PTPRD: variants seen among roughly 807,000 people sequenced by gnomAD.
PTPRD encodes protein tyrosine phosphatase receptor type D, also known as receptor-type tyrosine-protein phosphatase delta.
A neutral mutation model predicts 214.5 loss-of-function variants in PTPRD; 34 were observed. The observed-to-expected ratio is 0.16, with a 90% CI of 0.12 to 0.21. The LOEUF is 0.21. Among genes scored for constraint, PTPRD ranks in the 10% least tolerant of loss-of-function variants. The pLI, the probability that PTPRD is intolerant of heterozygous loss-of-function variation, is 1.00. For missense variants in PTPRD, 2,545 were observed against 2,398.7 expected (o/e 1.06, Z -1.27); for synonymous variants, 1,128 against 845.7 (o/e 1.33, Z -5.79).
intron 10 of PTPRD, among the ~76,000 whole-genome samples, chr9:9,110,723 T>C (rs2099804880): frequency 6.6e-6 from 1 of 152,174 alleles, no homozygotes; most frequent in South Asian, 2.1e-4. Context: ...ACTCAGCCTG[T>C]ACTTTGGAAA....
chr9:8,948,485 ATATATATT>A (rs2099082198), intron 11 of PTPRD, among the ~76,000 whole-genome samples: 2 of 52,230 alleles, frequency 3.8e-5, no homozygotes, highest in African/African-American at 1.5e-4. Flanking sequence ...ATATATTTAT[ATATATATT>A]TATATATATA....
intron 4 of PTPRD, among the ~76,000 whole-genome samples, chr9:10,028,741 C>G (rs1340761988): frequency 6.6e-6 from 1 of 152,134 alleles, no homozygotes; most frequent in African/African-American, 2.4e-5. Flanking sequence ...CAAGAGGTGA[C>G]TTGGGTGCTG....
intron 10 of PTPRD, among the ~76,000 whole-genome samples, chr9:9,045,941 T>G (rs921612608): frequency 6.6e-6 from 1 of 152,198 alleles, no homozygotes; most frequent in Admixed American, 6.6e-5. Context: ...GATCGGTTTA[T>G]CCAGATGCTT....
chr9:9,728,383 G>T (rs2098128856), intron 7 of PTPRD, among the ~76,000 whole-genome samples: 1 of 152,106 alleles, frequency 6.6e-6, no homozygotes, highest in African/African-American at 2.4e-5. Flanking sequence ...TTAATTCCAG[G>T]TAATTGTATA....
chr9:8,574,908 C>T (rs1051048566), intron 14 of PTPRD, among the ~76,000 whole-genome samples: 7 of 151,642 alleles, frequency 4.6e-5, no homozygotes, highest in Admixed American at 1.3e-4. Flanking sequence ...ATATGCATGC[C>T]CAAGAAGAAA....
At chr9:10,417,288 T>G (rs1205961208) in intron 2 of PTPRD, among the ~76,000 whole-genome samples, 1 of 151,912 alleles carries the variant, frequency 6.6e-6, no homozygotes, top group Non-Finnish European at 1.5e-5. Flanking sequence ...GTGTACCTTC[T>G]TCCAATGAAA....
At chr9:9,024,536 C>G (rs1889818) in intron 10 of PTPRD, among the ~76,000 whole-genome samples, 3 of 151,284 alleles carry the variant, frequency 2.0e-5, no homozygotes, top group Non-Finnish European at 3.0e-5. Flanking sequence ...ATTTATCACT[C>G]CTACAAGCAA....
At chr9:10,538,883 T>G (rs1029608250) in intron 2 of PTPRD, among the ~76,000 whole-genome samples, 1 of 152,186 alleles carries the variant, frequency 6.6e-6, no homozygotes, top group Non-Finnish European at 1.5e-5. Context: ...AACAAGCTGC[T>G]TCTACCTTAT....
chr9:9,762,258 CTTTCTT>C (rs1169562639), intron 6 of PTPRD, among the ~76,000 whole-genome samples: 2 of 152,220 alleles, frequency 1.3e-5, no homozygotes, highest in Non-Finnish European at 2.9e-5. Context: ...GTCCAACAGT[CTTTCTT>C]CACTTTGTCC....
At chr9:9,419,385 AG>A (rs2077997347) in intron 8 of PTPRD, among the ~76,000 whole-genome samples, 1 of 151,818 alleles carries the variant, frequency 6.6e-6, no homozygotes, top group South Asian at 2.1e-4. Context: ...CATATTTAAT[AG>A]AAATACTGTA....
intron 3 of PTPRD, among the ~76,000 whole-genome samples, chr9:10,194,381 G>T (rs1458149375): frequency 8.9e-5 from 8 of 89,856 alleles, no homozygotes; most frequent in African/African-American, 2.6e-4. Flanking sequence ...GAGAGAGAGA[G>T]AGAGAGAGAG....
intron 9 of PTPRD, among the ~76,000 whole-genome samples, chr9:9,194,058 C>A (rs1161634054): frequency 6.6e-6 from 1 of 152,034 alleles, no homozygotes; most frequent in East Asian, 1.9e-4. Flanking sequence ...AATCTTTATA[C>A]TTTAAAAATA....
chr9:8,391,399 C>T (rs986922886), intron 36 of PTPRD, among the ~76,000 whole-genome samples: 3 of 152,130 alleles, frequency 2.0e-5, no homozygotes, highest in African/African-American at 7.2e-5. Flanking sequence ...TCATCTATTA[C>T]AGCTACTCAA....
In PTPRD at chr9:10,303,696, T is replaced by C. The variant is rs182669799; in HGVS notation, c.-545+37267A>G. ...GATAAATTCATGGACACATACACCC[T>C]CCCAAGACTAAACCAAGAAGAAGTC... On this transcript the variant is annotated intron_variant, in intron 3 of 45. Coordinates refer to ENST00000381196, the MANE Select transcript of PTPRD (RefSeq NM_002839.4). 3.0e-4 allele frequency among the ~76,000 whole-genome samples: 43 copies of C among 144,298 alleles called. 1 individual carries two copies. The East Asian group carries it at 8.5e-3, about 28-fold the overall frequency. 94.7% of individuals were successfully genotyped at this position (144,298 alleles called of 152,430 possible). A position where few individuals can be genotyped will look rare whatever the true frequency, so the allele number is the denominator to read the frequency against.
chr9:10,610,393 T>C (rs2080646749), intron 2 of PTPRD, among the ~76,000 whole-genome samples: 1 of 152,202 alleles, frequency 6.6e-6, no homozygotes, highest in African/African-American at 2.4e-5. Context: ...AAATCTGTCA[T>C]GTCTTCTCTA....
intron 5 of PTPRD, among the ~76,000 whole-genome samples, chr9:9,826,779 T>G (rs2821504): frequency 0.29 from 43,712 of 151,944 alleles, 7,826 homozygotes; most frequent in East Asian, 0.82. Flanking sequence ...GCCCAAAATC[T>G]CCTTAAGCTA....
At chr9:10,545,622 C>T (rs2060017116) in intron 2 of PTPRD, among the ~76,000 whole-genome samples, 1 of 152,030 alleles carries the variant, frequency 6.6e-6, no homozygotes, top group African/African-American at 2.4e-5. Flanking sequence ...ATAAGTTATG[C>T]ATATAGACCA....
intron 7 of PTPRD, among the ~76,000 whole-genome samples, chr9:9,691,456 T>G (rs1026300143): frequency 2.0e-5 from 3 of 152,046 alleles, no homozygotes; most frequent in African/African-American, 7.2e-5. Context: ...TTGTTGCAAA[T>G]GACAGAATCT....
At chr9:8,868,822 G>C (rs531061843) in intron 11 of PTPRD, among the ~76,000 whole-genome samples, 1 of 151,986 alleles carries the variant, frequency 6.6e-6, no homozygotes, top group Non-Finnish European at 1.5e-5. Context: ...CATTCATCCC[G>C]CTGCTCATTC....
Sources: allele counts gnomAD v4.1 joint callset (sites outside exome capture counted in the v4.1 genomes callset), GRCh38; gene constraint gnomAD v4.1.1; transcripts MANE v1.5; gene names NCBI Gene and HGNC (gene_info 2026-07-23, HGNC 2026-07-21).